DDX31: variants seen among roughly 807,000 people sequenced by gnomAD.
The protein encoded by DDX31 is DEAD-box helicase 31, also known as ATP-dependent DNA helicase DDX31.
In DDX31, 70 loss-of-function variants were observed where a neutral mutation model predicts 91.3. The observed-to-expected ratio is 0.77, with a 90% CI of 0.63 to 0.94. The LOEUF (loss-of-function observed/expected upper bound fraction) is 0.94. DDX31 is among the 40% of genes least tolerant of loss of function. The pLI is 0.00. For missense variants in DDX31, 902 were observed against 925.0 expected (o/e 0.98, Z 0.32); for synonymous variants, 362 against 350.6 (o/e 1.03, Z -0.36).
At chr9:132,645,257 G>A (rs17149401) in intron 13 of DDX31, among the ~76,000 whole-genome samples, 1,911 of 152,222 alleles carry the variant, frequency 0.013, 37 homozygotes, top group African/African-American at 0.044. Flanking sequence ...GTTAAGAGTG[G>A]AGGAATGCGA....
rs982320368 is a variant in DDX31, at chr9:132,651,070, C to T, written c.675+5G>A. On this transcript the variant is annotated splice_donor_5th_base_variant and intron_variant, in intron 8 of 19. Transcript: ENST00000372159. ...AGATGAAATGGAACTCATGGTTTGC[C>T]TTACCTTAAGCAGTTTCTGGACAGT... 1 of 1,611,584 alleles carries T rather than the reference C, an allele frequency of 6.2e-7. No homozygotes were observed. Among genetic ancestry groups the T allele is most frequent in the African/African-American group, 1.3e-5 (1 of 74,768 alleles).
chr9:132,618,199 T>C (rs1184130343), intron 18 of DDX31, 131 bp downstream of exon 18: 1 of 623,354 alleles, frequency 1.6e-6, no homozygotes, highest in Non-Finnish European at 2.7e-6. Context: ...ATTATGGAGA[T>C]TGAAGGCTTT....
intron 18 of DDX31, among the ~76,000 whole-genome samples, chr9:132,613,298 A>G (rs953310492): frequency 3.3e-5 from 5 of 152,264 alleles, no homozygotes; most frequent in African/African-American, 1.2e-4. Flanking sequence ...TTTAAAGGAG[A>G]AAGAAAACTA....
intron 15 of DDX31, among the ~76,000 whole-genome samples, 190 bp from the exon 16 acceptor site, chr9:132,630,593 C>T (rs1038794691): frequency 1.7e-4 from 26 of 152,266 alleles, no homozygotes; most frequent in African/African-American, 6.0e-4. Flanking sequence ...AACAAGGCTC[C>T]GACAAGCAAA....
chr9:132,659,514 C>T (rs1176071230), intron 5 of DDX31, among the ~76,000 whole-genome samples, 196 bp downstream of exon 5: 1 of 152,198 alleles, frequency 6.6e-6, no homozygotes, highest in Non-Finnish European at 1.5e-5. Flanking sequence ...CTAATCATTT[C>T]TCATCGTGGT....
At chr9:132,658,408 A>G (rs1401257857) in intron 6 of DDX31, 26 of 702,372 alleles carry the variant, frequency 3.7e-5, no homozygotes, top group Non-Finnish European at 5.2e-5. Flanking sequence ...AAGGGAACAC[A>G]TGCAAAGTAT....
At chr9:132,604,782 C>T (rs995615319) in intron 19 of DDX31, among the ~76,000 whole-genome samples, 8 of 152,166 alleles carry the variant, frequency 5.3e-5, no homozygotes, top group Admixed American at 4.6e-4. Context: ...GTGGTCCTAA[C>T]TGTTTTGCTC....
rs531225992 is a variant in DDX31, at chr9:132,608,153, G to A, written c.1994+3934C>T. ...TCACGGAAGGGAAAATGCTGTTTTC[G>A]TGATGGATGTTGCTAAGGGGCCATT... On this transcript the variant is annotated intron_variant, in intron 19 of 19. Coordinates refer to ENST00000372159, the MANE Select transcript of DDX31 (RefSeq NM_022779.9). Among the ~76,000 whole-genome samples the A allele has an allele frequency of 5.9e-5, 9 of 152,298 alleles. No homozygotes were observed. In the East Asian group the frequency reaches 1.5e-3, roughly 26 times the overall value.
intron 14 of DDX31, among the ~76,000 whole-genome samples, chr9:132,633,758 C>T (rs952105558): frequency 4.6e-5 from 7 of 152,090 alleles, no homozygotes; most frequent in Non-Finnish European, 8.8e-5. Flanking sequence ...CTTTAATGAA[C>T]TTTGATACTT....
Position 132,601,654 on chromosome 9 carries a change from T to C in DDX31, c.1995-6542A>G, listed in dbSNP as rs539202157. On this transcript the variant is annotated intron_variant, in intron 19 of 19. Coordinates refer to ENST00000372159, the MANE Select transcript of DDX31 (RefSeq NM_022779.9). ...GTCTGGATACTTTCACGAACCAGAC[T>C]TTGAAAAGAACCTGGGCAGATAGGA... Among the ~76,000 whole-genome samples the C allele has an allele frequency of 1.1e-4, 16 of 152,308 alleles. No individual in the cohort carries two copies. The East Asian group carries it at 2.7e-3, about 26-fold the overall frequency.
chr9:132,646,488 C>A (rs1833846117), intron 12 of DDX31, among the ~76,000 whole-genome samples: 1 of 152,158 alleles, frequency 6.6e-6, no homozygotes, highest in South Asian at 2.1e-4. Flanking sequence ...AATAAATACA[C>A]AAATGCCAAG....
At chr9:132,652,583 A>G in intron 6 of DDX31, 91 bp from the exon 7 acceptor site, 1 of 1,493,688 alleles carries the variant, frequency 6.7e-7, no homozygotes, top group Non-Finnish European at 9.3e-7. Flanking sequence ...GTTGTAGAAC[A>G]TCAGAAGCAC....
intron 15 of DDX31, among the ~76,000 whole-genome samples, chr9:132,631,697 G>A (rs1426891422): frequency 2.0e-5 from 3 of 152,198 alleles, no homozygotes; most frequent in African/African-American, 7.2e-5. Flanking sequence ...TCGGACAGCT[G>A]AGCCATCTCC....
rs191113818 is a variant in DDX31, at chr9:132,603,673, G to A, written c.1994+8414C>T. Among the ~76,000 whole-genome samples, 79 of 152,334 alleles carry A rather than the reference G, an allele frequency of 5.2e-4. No individual in the cohort carries two copies. The East Asian group carries it at 0.014, about 28-fold the overall frequency. ...GCCGCATCTGGACCTAGCGGTTTGTGCTAGGCCAGCCACATCTACTAATTC... is the reference window on the plus strand; with the variant it reads ...GCCGCATCTGGACCTAGCGGTTTGTACTAGGCCAGCCACATCTACTAATTC... On this transcript the variant is annotated intron_variant, in intron 19 of 19. Coordinates refer to ENST00000372159, the MANE Select transcript of DDX31 (RefSeq NM_022779.9).
chr9:132,624,693 C>T (rs566056900), intron 17 of DDX31, among the ~76,000 whole-genome samples: 4 of 152,254 alleles, frequency 2.6e-5, no homozygotes, highest in South Asian at 2.1e-4. Context: ...TAAATGGGAC[C>T]GTGCACATAA....
In DDX31 at chr9:132,648,308, A is replaced by G; in HGVS notation, c.861-13T>C. 6.2e-7 allele frequency: 1 copy of G among 1,602,466 alleles called. No homozygotes were observed. Among genetic ancestry groups the G allele is most frequent in the Non-Finnish European group, 8.5e-7 (1 of 1,176,308 alleles). The stretch of plus-strand genomic sequence containing the variant: ...CAAATCCAAGATTCTGTGATTGTAA[A>G]AAAAAAAAGAAATTTTCAACTATAT... On this transcript the variant is annotated splice_polypyrimidine_tract_variant and intron_variant, in intron 10 of 19. Transcript: ENST00000372159.
chr9:132,658,773 C>T, intron 5 of DDX31, 38 bp from the exon 6 acceptor site: 4 of 1,587,072 alleles, frequency 2.5e-6, no homozygotes, highest in Non-Finnish European at 2.6e-6. Flanking sequence ...AAATCACACA[C>T]CCTACAGATG....
At chr9:132,605,830 C>T (rs908824896) in intron 19 of DDX31, among the ~76,000 whole-genome samples, 1 of 152,104 alleles carries the variant, frequency 6.6e-6, no homozygotes, top group African/African-American at 2.4e-5. Context: ...TTTGTTGTGG[C>T]TTGCTCTAAT....
chr9:132,599,179 T>C (rs1830597419), intron 19 of DDX31, among the ~76,000 whole-genome samples: 1 of 152,238 alleles, frequency 6.6e-6, no homozygotes, highest in Admixed American at 6.5e-5. Context: ...TTACTCACTT[T>C]TCCAACCACC....
Sources: gnomAD v4.1 joint callset for allele counts (sites outside exome capture counted in the v4.1 genomes callset) on GRCh38, gnomAD v4.1.1 for gene constraint, MANE v1.5 for transcripts, NCBI Gene and HGNC (gene_info 2026-07-23, HGNC 2026-07-21) for gene names.